The following MCAT variants were observed in gnomAD, a reference collection of about 807,000 sequenced individuals.
MCAT encodes the protein malonyl-CoA-acyl carrier protein transacylase, mitochondrial.
In MCAT, 22 loss-of-function variants were observed where a neutral mutation model predicts 22.9. The observed-to-expected ratio is 0.96, with a 90% CI of 0.69 to 1.37. MCAT has a LOEUF of 1.37. MCAT is among the 40% of genes most tolerant of loss of function. The pLI is 0.00. For synonymous variants in MCAT, 240 were observed against 233.9 expected (o/e 1.03, Z -0.24); for missense variants, 534 against 533.6 (o/e 1.00, Z -0.01).
intron 1 of MCAT, 130 bp downstream of exon 1, chr22:43,142,796 C>CAAAACA: frequency 1.1e-6 from 1 of 900,998 alleles, no homozygotes; most frequent in African/African-American, 1.9e-5. Context: ...CAAAAACAAA[C>CAAAACA]AAAAAAAAAA....
chr22:43,143,142 G>A lies in MCAT; in HGVS notation c.207C>T (p.Gly69=). 1.3e-6 allele frequency: 2 copies of A among 1,593,732 alleles called. No individual in the cohort carries two copies. The highest frequency in any genetic ancestry group is 1.7e-6 in the Non-Finnish European group (2 of 1,175,164). The part of the protein sequence containing the change: ...PGQCSVLLFP[G]QGSQVVGMGR... ...CCATGCCCACCACCTGGCTGCCCTG[G>A]CCCGGGAAGAGCAGCACGGAGCACT... Residue 69 remains glycine (G), a synonymous_variant, in exon 1 of 4, where the codon GGC becomes GGT. Transcript: ENST00000290429.
At chr22:43,142,796 C>CA (rs993179451) in intron 1 of MCAT, 130 bp downstream of exon 1, 36,011 of 850,882 alleles carry the variant, frequency 0.042, 58 homozygotes, top group African/African-American at 0.064. Flanking sequence ...CAAAAACAAA[C>CA]AAAAAAAAAA....
At position 43,132,824 on chromosome 22, in the gene MCAT, C is replaced by T; in HGVS notation, c.*219G>A. The T allele has an allele frequency of 1.8e-6, 1 of 565,166 alleles. No homozygotes were observed. The highest frequency in any genetic ancestry group is 3.2e-6 in the Non-Finnish European group (1 of 315,948). 35.0% of individuals were successfully genotyped at this position (565,166 alleles called of 1,614,324 possible). ...ACACCAGCCCTGTGGCATCATTCTT[C>T]CCAACGTCCAAACGTTTTTCCAAGG... is the stretch of plus-strand genomic sequence containing the variant. On this transcript the variant is annotated 3_prime_UTR_variant, in exon 4 of 4. Coordinates refer to ENST00000290429, the MANE Select transcript of MCAT (RefSeq NM_173467.5).
intron 3 of MCAT, among the ~76,000 whole-genome samples, chr22:43,136,466 T>C (rs1930614804): frequency 6.6e-6 from 1 of 152,180 alleles, no homozygotes; most frequent in African/African-American, 2.4e-5. Flanking sequence ...GGCAAACACA[T>C]GCCCGTCCTC....
rs140390723 is a variant in MCAT, at chr22:43,140,276, C to T, written c.511+886G>A. ...CACTGCAGCCTCAGACTCAGGGGCT[C>T]AAGTGATCTTCCCTCAGCCTCCTGA... On this transcript the variant is annotated intron_variant, in intron 2 of 3. Transcript: ENST00000290429. 1.3e-4 allele frequency among the ~76,000 whole-genome samples: 20 copies of T among 152,276 alleles called. No individual in the cohort carries two copies. The East Asian group carries it at 2.3e-3, about 18-fold the overall frequency.
rs760670743 is a variant in MCAT at position 43,142,998 on chromosome 22, G to T, written c.351C>A (p.Thr117=). 1 of 1,606,240 alleles carries T rather than the reference G, an allele frequency of 6.2e-7. No individual in the cohort carries two copies. Among genetic ancestry groups the T allele is most frequent in the Non-Finnish European group, 8.5e-7 (1 of 1,177,064 alleles). ...LHGPQETLDR[T]VHCQPAIFVA... ...CGAAGATCGCGGGCTGACAGTGCACGGTGCGGTCCAGGGTCTCCTGCGGCC... is the reference window on the plus strand; with the variant it reads ...CGAAGATCGCGGGCTGACAGTGCACTGTGCGGTCCAGGGTCTCCTGCGGCC... The change falls in exon 1 of 4, where the codon ACC becomes ACA. Residue 117 remains threonine, a synonymous_variant. Coordinates refer to ENST00000290429, the MANE Select transcript of MCAT (RefSeq NM_173467.5).
intron 2 of MCAT, 54 bp from the exon 3 acceptor site, chr22:43,137,352 A>G (rs1467290426): frequency 6.7e-7 from 1 of 1,485,008 alleles, no homozygotes; most frequent in Non-Finnish European, 9.3e-7. Flanking sequence ...GAAGGAGAAA[A>G]GGCCAGGCCT....
chr22:43,139,027 G>A (rs1216514455), intron 2 of MCAT, among the ~76,000 whole-genome samples: 4 of 152,190 alleles, frequency 2.6e-5, no homozygotes, highest in Admixed American at 2.0e-4. Flanking sequence ...CAGGAGGACT[G>A]CTTGAGATCA....
intron 2 of MCAT, among the ~76,000 whole-genome samples, chr22:43,138,030 C>G (rs936835766): frequency 6.6e-6 from 1 of 151,990 alleles, no homozygotes; most frequent in African/African-American, 2.4e-5. Flanking sequence ...TCGACACCAG[C>G]CTGAGCAACA....
chr22:43,137,343 A>C, intron 2 of MCAT, 45 bp from the exon 3 acceptor site: 1 of 1,527,912 alleles, frequency 6.5e-7, no homozygotes. Flanking sequence ...GCACAGAATG[A>C]AGGAGAAAAG....
chr22:43,139,898 G>A (rs1930721297), intron 2 of MCAT, among the ~76,000 whole-genome samples: 2 of 151,916 alleles, frequency 1.3e-5, no homozygotes, highest in Non-Finnish European at 2.9e-5. Flanking sequence ...TGCACATTAT[G>A]TACACATAAA....
At chr22:43,140,451 C>A (rs1930736480) in intron 2 of MCAT, among the ~76,000 whole-genome samples, 1 of 152,182 alleles carries the variant, frequency 6.6e-6, no homozygotes, top group South Asian at 2.1e-4. Context: ...TCAGGTAATC[C>A]TCCCACCTCA....
chr22:43,137,369 CA>C (rs1930647549), intron 2 of MCAT, 71 bp from the exon 3 acceptor site: 1 of 1,305,664 alleles, frequency 7.7e-7, no homozygotes, highest in Admixed American at 2.0e-5. Flanking sequence ...GCCTGAGAAA[CA>C]AAGCCCAAGC....
chr22:43,140,244 C>T (rs1052039765), intron 2 of MCAT, among the ~76,000 whole-genome samples: 3 of 152,184 alleles, frequency 2.0e-5, no homozygotes, highest in Non-Finnish European at 2.9e-5. Flanking sequence ...GTGGCACAAT[C>T]GTGGCTCACT....
At chr22:43,142,240 T>G (rs1399000387) in intron 1 of MCAT, among the ~76,000 whole-genome samples, 1 of 152,212 alleles carries the variant, frequency 6.6e-6, no homozygotes, top group Non-Finnish European at 1.5e-5. Flanking sequence ...TCAATGTTCC[T>G]TCATTTAGGC....
At chr22:43,142,790 AAC>A in intron 1 of MCAT, 134 bp downstream of exon 1, 1 of 1,011,338 alleles carries the variant, frequency 9.9e-7, no homozygotes, top group East Asian at 3.1e-5. Context: ...AAAAAACAAA[AAC>A]AAACAAAAAA....
chr22:43,141,343 T>G, intron 1 of MCAT, 94 bp from the exon 2 acceptor site: 1 of 1,041,482 alleles, frequency 9.6e-7, no homozygotes, highest in Non-Finnish European at 1.5e-6. Flanking sequence ...GTTCAGCATC[T>G]CAGTGAGCCA....
chr22:43,142,816 A>C, intron 1 of MCAT, 110 bp downstream of exon 1: 2 of 1,139,860 alleles, frequency 1.8e-6, no homozygotes, highest in Non-Finnish European at 2.3e-6. Flanking sequence ...AACTCGATCG[A>C]ATGAGTAAGA....
At chr22:43,137,979 A>C (rs930021091) in intron 2 of MCAT, among the ~76,000 whole-genome samples, 9 of 151,938 alleles carry the variant, frequency 5.9e-5, no homozygotes, top group African/African-American at 1.7e-4. Flanking sequence ...TAATCCCAGC[A>C]CTTTGGGAGG....
Sources: gnomAD v4.1 joint callset for allele counts (sites outside exome capture counted in the v4.1 genomes callset) on GRCh38, gnomAD v4.1.1 for gene constraint, MANE v1.5 for transcripts, NCBI Gene and HGNC (gene_info 2026-07-23, HGNC 2026-07-21) for gene names.